The following TRDN variants were observed in gnomAD, a reference collection of about 807,000 sequenced individuals.
TRDN encodes triadin in skeletal muscle.
Under a neutral mutation model 149.7 loss-of-function variants are expected in TRDN, and 161 were observed. The ratio of observed to expected loss-of-function variants is 1.08; its 90% CI spans 0.95 to 1.23. The LOEUF is 1.23. Ranked by LOEUF, TRDN falls within the 50% of genes most tolerant of loss-of-function variation. The probability of loss-of-function intolerance (pLI) is 0.00; values close to 1 mark genes in which losing one functional copy is unlikely to be tolerated. For synonymous variants in TRDN, 294 were observed against 250.5 expected (o/e 1.17, Z -1.64); for missense variants, 896 against 823.5 (o/e 1.09, Z -1.08).
At chr6:123,630,890 T>C (rs1482563836) in intron 1 of TRDN, among the ~76,000 whole-genome samples, 1 of 151,968 alleles carries the variant, frequency 6.6e-6, no homozygotes, top group Non-Finnish European at 1.5e-5. Flanking sequence ...ATATTATTTT[T>C]AATTAACCAA....
chr6:123,417,521 G>A (rs1773707308), intron 12 of TRDN, among the ~76,000 whole-genome samples: 1 of 152,116 alleles, frequency 6.6e-6, no homozygotes, highest in Non-Finnish European at 1.5e-5. Context: ...ATGGTCAAAG[G>A]GGCTCTTTCA....
intron 9 of TRDN, among the ~76,000 whole-genome samples, chr6:123,483,073 TTATTATTA>T (rs1777822864): frequency 2.6e-5 from 1 of 37,812 alleles, no homozygotes; most frequent in African/African-American, 1.4e-4. Flanking sequence ...TCATTTATTA[TTATTATTA>T]TTATTATTAT....
At chr6:123,300,465 G>A (rs1223994588) in intron 24 of TRDN, among the ~76,000 whole-genome samples, 1 of 151,638 alleles carries the variant, frequency 6.6e-6, no homozygotes, top group Non-Finnish European at 1.5e-5. Context: ...TTTTCTCTTG[G>A]AAGAAAGGAT....
At chr6:123,622,892 ACT>A (rs1259549792) in intron 1 of TRDN, among the ~76,000 whole-genome samples, 2 of 152,080 alleles carry the variant, frequency 1.3e-5, no homozygotes, top group Non-Finnish European at 2.9e-5. Flanking sequence ...ATATTGGGTG[ACT>A]CTCAAGTAAA....
chr6:123,272,982 C>G lies in TRDN; in HGVS notation c.1654G>C (p.Val552Leu), dbSNP rs1457562268. The change falls in exon 29 of 41, where the codon GTT becomes CTT. Residue 552 changes from valine to leucine, a missense_variant. By Grantham distance (32) the Val-to-Leu change is conservative. Transcript: ENST00000334268. ...AAAATACCTGGTTTACCATGAGAAA[C>G]AGTCTTTTCTGGTTTCACTATGTCT... ...KQDIVKPEKT[V>L]SHGKPEEKVL... The G allele has an allele frequency of 6.5e-7, 1 of 1,530,108 alleles. No homozygotes were observed. Among genetic ancestry groups the G allele is most frequent in the African/African-American group, 1.4e-5 (1 of 71,436 alleles). The allele number at this position is 1,530,108 out of a possible 1,614,324, so 94.8% of individuals were successfully genotyped here.
chr6:123,541,113 C>G (rs1333383434), intron 4 of TRDN, among the ~76,000 whole-genome samples: 1 of 152,140 alleles, frequency 6.6e-6, no homozygotes, highest in Non-Finnish European at 1.5e-5. Flanking sequence ...CCCTCACATC[C>G]TTTTCTCTAT....
intron 21 of TRDN, chr6:123,351,239 C>T (rs182861986): frequency 4.4e-5 from 43 of 978,284 alleles, no homozygotes; most frequent in African/African-American, 3.7e-4. Context: ...CTGTTACATG[C>T]TTATCTAGAA....
intron 32 of TRDN, among the ~76,000 whole-genome samples, chr6:123,266,197 A>G (rs1776954994): frequency 1.3e-5 from 1 of 77,660 alleles, no homozygotes; most frequent in Non-Finnish European, 2.3e-5. Flanking sequence ...TATAATATGT[A>G]TTATATATTA....
At chr6:123,263,400 G>A (rs554664658) in intron 33 of TRDN, among the ~76,000 whole-genome samples, 30 of 152,124 alleles carry the variant, frequency 2.0e-4, no homozygotes, top group African/African-American at 5.5e-4. Context: ...AGCCACCTGC[G>A]TAACGTAAAA....
At chr6:123,457,866 C>T (rs1009974429) in intron 10 of TRDN, among the ~76,000 whole-genome samples, 2 of 152,064 alleles carry the variant, frequency 1.3e-5, no homozygotes, top group South Asian at 2.1e-4. Context: ...CTAAAGATTC[C>T]ATTCGTAATC....
chr6:123,235,470 A>G (rs1319043496), intron 38 of TRDN, among the ~76,000 whole-genome samples: 1 of 152,156 alleles, frequency 6.6e-6, no homozygotes, highest in Non-Finnish European at 1.5e-5. Context: ...GAAAAAGATA[A>G]GGTCAGGTAA....
intron 2 of TRDN, among the ~76,000 whole-genome samples, chr6:123,551,608 C>A (rs1781396428): frequency 6.6e-6 from 1 of 151,962 alleles, no homozygotes; most frequent in Non-Finnish European, 1.5e-5. Flanking sequence ...AACAGTCAGA[C>A]ACCATTATAA....
chr6:123,459,009 T>G (rs1776295285), intron 10 of TRDN, among the ~76,000 whole-genome samples: 1 of 152,226 alleles, frequency 6.6e-6, no homozygotes, highest in East Asian at 1.9e-4. Flanking sequence ...TGTTTTGTCA[T>G]GAAAACTGTT....
At chr6:123,474,665 A>G (rs545751616) in intron 9 of TRDN, among the ~76,000 whole-genome samples, 74 of 152,198 alleles carry the variant, frequency 4.9e-4, no homozygotes, top group Admixed American at 3.2e-3. Context: ...AATTGACCAC[A>G]TACTTGGAAG....
intron 32 of TRDN, among the ~76,000 whole-genome samples, chr6:123,266,173 T>A (rs1267676398): frequency 2.2e-5 from 2 of 89,590 alleles, no homozygotes; most frequent in South Asian, 3.6e-4. Context: ...ATATGTATTA[T>A]ATATTATATA....
At position 123,381,364 on chromosome 6, in the gene TRDN, C is replaced by A; in HGVS notation, c.1186+6G>T. 1 of 1,555,566 alleles carries A rather than the reference C, an allele frequency of 6.4e-7. No homozygotes were observed. The highest frequency in any genetic ancestry group is 2.4e-5 in the East Asian group (1 of 41,954). ...GTACACAAATACACTGCATGCATTTCCTTACTTTTTCCCTTGGGTTGTTCT... is the reference window on the plus strand; with the variant it reads ...GTACACAAATACACTGCATGCATTTACTTACTTTTTCCCTTGGGTTGTTCT... On this transcript the variant is annotated splice_donor_region_variant and intron_variant, in intron 16 of 40. Transcript: ENST00000334268.
At chr6:123,359,922 C>G (rs200160907) in intron 20 of TRDN, among the ~76,000 whole-genome samples, 6 of 152,092 alleles carry the variant, frequency 3.9e-5, no homozygotes, top group Admixed American at 1.3e-4. Context: ...GTCTCGATCT[C>G]CTGACCTCAT....
chr6:123,246,621 C>T (rs73549311), intron 38 of TRDN, among the ~76,000 whole-genome samples: 4,465 of 151,470 alleles, frequency 0.029, 214 homozygotes, highest in African/African-American at 0.1. Context: ...AAAAGGCCCA[C>T]GAGCAGATGG....
chr6:123,577,263 A>C (rs1052549866), intron 1 of TRDN, among the ~76,000 whole-genome samples: 1 of 151,980 alleles, frequency 6.6e-6, no homozygotes, highest in Non-Finnish European at 1.5e-5. Context: ...TTCGTTACCC[A>C]ACAATTATTT....
Sources: allele counts gnomAD v4.1 joint callset (sites outside exome capture counted in the v4.1 genomes callset), GRCh38; gene constraint gnomAD v4.1.1; transcripts MANE v1.5; gene names NCBI Gene and HGNC (gene_info 2026-07-23, HGNC 2026-07-21).